Variants in DOCK1 observed in about 807,000 individuals in gnomAD.
The protein encoded by DOCK1 is dedicator of cytokinesis protein 1.
A neutral mutation model predicts 262.7 loss-of-function variants in DOCK1; 138 were observed. That is an observed-to-expected ratio of 0.53 (90% CI 0.46 to 0.61). The LOEUF (loss-of-function observed/expected upper bound fraction) is 0.61, where lower values mean the gene tolerates loss of function less well. DOCK1 is among the 20% of genes least tolerant of loss of function. The pLI is 0.00. For synonymous variants in DOCK1, 866 were observed against 867.4 expected, an observed-to-expected ratio of 1.00 and a Z score of 0.03; for missense variants, 1,908 against 2,370.7, an observed-to-expected ratio of 0.80 and a Z score of 4.05.
At chr10:127,236,959 G>A (rs1037008859) in intron 27 of DOCK1, among the ~76,000 whole-genome samples, 4 of 152,106 alleles carry the variant, frequency 2.6e-5, no homozygotes, top group Non-Finnish European at 4.4e-5. Context: ...TACAGCAAAC[G>A]TACCCTTGGT....
chr10:127,366,799 A>G (rs1028300143), intron 33 of DOCK1, among the ~76,000 whole-genome samples: 16 of 152,276 alleles, frequency 1.1e-4, no homozygotes, highest in African/African-American at 3.6e-4. Context: ...CCTCTGCCAT[A>G]AGCCCAGTTA....
chr10:127,310,807 C>T (rs937088979), intron 29 of DOCK1, among the ~76,000 whole-genome samples: 1 of 152,150 alleles, frequency 6.6e-6, no homozygotes, highest in African/African-American at 2.4e-5. Flanking sequence ...ACTACAATCT[C>T]TTAATGCCCC....
intron 4 of DOCK1, among the ~76,000 whole-genome samples, chr10:126,985,401 A>G (rs1328439262): frequency 6.6e-6 from 1 of 152,126 alleles, no homozygotes; most frequent in African/African-American, 2.4e-5. Flanking sequence ...CAAGGTGGTA[A>G]CAAAGGTAAG....
chr10:127,343,727 A>G lies in DOCK1; in HGVS notation c.3205A>G (p.Arg1069Gly). The change falls in exon 31 of 52, where the codon AGA (arginine) becomes GGA (glycine). Residue 1069 changes from arginine to glycine, a missense_variant. By Grantham distance (125) the Arg-to-Gly change is moderately radical (BLOSUM62 -2). Around this residue, in one of 9 missense-constraint regions of DOCK1, gnomAD observed 518 missense variants for 575.1 expected, o/e 0.90. Transcript: ENST00000623213. Reference sequence around the variant, plus strand: ...ACTGGAGAATTTTTCAAGTGCCAAGAGAGCCAAAATCCTTAACAAGTAAGT... The same window carrying G: ...ACTGGAGAATTTTTCAAGTGCCAAGGGAGCCAAAATCCTTAACAAGTAAGT... Reference protein sequence around the residue: ...LQLENFSSAKRAKILNKYGDM... With the variant: ...LQLENFSSAKGAKILNKYGDM... 1 of 1,608,998 alleles carries G rather than the reference A, an allele frequency of 6.2e-7. No homozygotes were observed. The highest frequency in any genetic ancestry group is 8.5e-7 in the Non-Finnish European group (1 of 1,177,746).
chr10:127,400,878 C>A (rs1050725828), intron 38 of DOCK1, among the ~76,000 whole-genome samples: 1 of 152,142 alleles, frequency 6.6e-6, no homozygotes, highest in Non-Finnish European at 1.5e-5. Context: ...TGATAATAGG[C>A]CTTCCCTAAA....
intron 27 of DOCK1, among the ~76,000 whole-genome samples, chr10:127,169,853 A>G (rs1284466952): frequency 1.3e-5 from 2 of 152,072 alleles, no homozygotes; most frequent in African/African-American, 2.4e-5. Flanking sequence ...TGTTTTTGGT[A>G]AAGTTGAGCA....
At chr10:127,137,672 G>A (rs1273456566) in intron 27 of DOCK1, 2 of 561,312 alleles carry the variant, frequency 3.6e-6, no homozygotes, top group African/African-American at 1.9e-5. Flanking sequence ...CCTTGCTTCT[G>A]TTAATTATCT....
At chr10:126,990,675 G>C in intron 6 of DOCK1, 72 bp downstream of exon 6, 2 of 1,485,710 alleles carry the variant, frequency 1.3e-6, no homozygotes, top group Non-Finnish European at 1.8e-6. Flanking sequence ...GTCTTCAGGA[G>C]ACCAAGATCA....
At chr10:126,997,918 G>C (rs1257879707) in intron 7 of DOCK1, 174 bp from the exon 8 acceptor site, 2 of 778,930 alleles carry the variant, frequency 2.6e-6, no homozygotes, top group Non-Finnish European at 4.0e-6. Flanking sequence ...TTTGTCTGTT[G>C]TGTGAATGCA....
intron 31 of DOCK1, among the ~76,000 whole-genome samples, chr10:127,345,092 A>G (rs1366753277): frequency 6.6e-6 from 1 of 152,212 alleles, no homozygotes; most frequent in Non-Finnish European, 1.5e-5. Flanking sequence ...CGATGTGTGT[A>G]GTAGGCTGTA....
At chr10:127,181,543 A>G (rs1018791600) in intron 27 of DOCK1, among the ~76,000 whole-genome samples, 7 of 152,202 alleles carry the variant, frequency 4.6e-5, no homozygotes, top group Non-Finnish European at 1.0e-4. Context: ...CAGTCAGAGG[A>G]GTGCCACAAG....
intron 37 of DOCK1, among the ~76,000 whole-genome samples, chr10:127,383,269 G>T (rs952979935): frequency 9.9e-5 from 15 of 152,152 alleles, no homozygotes; most frequent in Non-Finnish European, 2.1e-4. Flanking sequence ...AGGTAGAGAG[G>T]ATTTTTGCTT....
intron 47 of DOCK1, among the ~76,000 whole-genome samples, chr10:127,430,881 G>C (rs879605734): frequency 6.6e-6 from 1 of 152,162 alleles, no homozygotes; most frequent in Admixed American, 6.5e-5. Flanking sequence ...GGGAGACAGC[G>C]ACGTAAAACT....
chr10:127,359,586 A>G (rs1194983460), intron 32 of DOCK1, among the ~76,000 whole-genome samples: 2 of 152,270 alleles, frequency 1.3e-5, no homozygotes, highest in East Asian at 3.8e-4. Flanking sequence ...GCTTTGCAGC[A>G]GTTACAGGAC....
chr10:127,344,944 G>T (rs2063567830), intron 31 of DOCK1, among the ~76,000 whole-genome samples: 1 of 152,214 alleles, frequency 6.6e-6, no homozygotes, highest in Non-Finnish European at 1.5e-5. Context: ...TATTTTTACT[G>T]TAACTTTTCT....
At chr10:127,380,541 A>G (rs761498205) in intron 36 of DOCK1, among the ~76,000 whole-genome samples, 4 of 152,310 alleles carry the variant, frequency 2.6e-5, no homozygotes, top group African/African-American at 4.8e-5. Flanking sequence ...AACTGACGCC[A>G]TAGTCCCGTG....
intron 28 of DOCK1, among the ~76,000 whole-genome samples, chr10:127,253,087 A>G (rs61872147): frequency 0.33 from 50,685 of 151,916 alleles, 9,733 homozygotes; most frequent in South Asian, 0.57. Flanking sequence ...GAGGACAGAG[A>G]CCATCCCAAC....
At chr10:127,323,652 G>A (rs2062633476) in intron 29 of DOCK1, among the ~76,000 whole-genome samples, 1 of 152,176 alleles carries the variant, frequency 6.6e-6, no homozygotes, top group South Asian at 2.1e-4. Flanking sequence ...GCAGTCACAT[G>A]CCTGCTTCTT....
intron 27 of DOCK1, among the ~76,000 whole-genome samples, chr10:127,169,593 A>G (rs1305124405): frequency 6.6e-6 from 1 of 152,218 alleles, no homozygotes; most frequent in Non-Finnish European, 1.5e-5. Flanking sequence ...TTGGAACACA[A>G]GTATGCCCAT....
Sources: allele counts gnomAD v4.1 joint callset (sites outside exome capture counted in the v4.1 genomes callset), GRCh38; gene constraint gnomAD v4.1.1; regional missense constraint gnomAD v4.1.1; transcripts MANE v1.5; gene names NCBI Gene and HGNC (gene_info 2026-07-23, HGNC 2026-07-21).